Variants in SUGT1 observed in about 807,000 individuals in gnomAD.
The protein encoded by SUGT1 is SGT1 assembly cochaperone of MIS12 kinetochore complex.
In SUGT1, 15 loss-of-function variants were observed where a neutral mutation model predicts 56.1. The ratio of observed to expected loss-of-function variants is 0.27; its 90% CI spans 0.18 to 0.41. The LOEUF (loss-of-function observed/expected upper bound fraction) is 0.41, where lower values mean the gene tolerates loss of function less well. Among genes scored for constraint, SUGT1 ranks in the 10% least tolerant of loss-of-function variants. The pLI is 1.00. For synonymous variants in SUGT1, 123 were observed against 128.6 expected (o/e 0.96, Z 0.30); for missense variants, 347 against 382.2 (o/e 0.91, Z 0.77).
rs1482799929 is a variant in SUGT1 at position 52,698,169 on chromosome 13, A to G, written c.*10334A>G. ...TCAACAGAGCATGTTTTTATGGGCC[A>G]TCTGACAAGACTAGAGGTAGCTTTG... On this transcript the variant is annotated 3_prime_UTR_variant, in exon 13 of 13. Coordinates refer to ENST00000310528, the MANE Select transcript of SUGT1 (RefSeq NM_006704.5). The G allele has an allele frequency of 1.3e-5, 2 of 152,206 alleles. No homozygotes were observed. Among genetic ancestry groups the G allele is most frequent in the African/African-American group, 2.4e-5 (1 of 41,454 alleles). The allele number at this position is 152,206 out of a possible 1,614,324, so 9.4% of individuals were successfully genotyped here.
At position 52,680,031 on chromosome 13, in the gene SUGT1, T is replaced by C. The variant is rs1171592497; in HGVS notation, c.776T>C (p.Val259Ala). ...SPYTRNWDKL[V>A]GEIKEEEKNE... is the part of the protein sequence containing the mutation. ...TATACAAGAAATTGGGATAAATTGGTTGGTGAGATCAAAGAAGAAGAAAAG... is the reference window on the plus strand; with the variant it reads ...TATACAAGAAATTGGGATAAATTGGCTGGTGAGATCAAAGAAGAAGAAAAG... The change falls in exon 12 of 13, where the codon GTT becomes GCT. Residue 259 changes from valine to alanine, a missense_variant. Physicochemically the swap from Val to Ala is moderately conservative, Grantham distance 64 (BLOSUM62 0). Coordinates refer to ENST00000310528, the MANE Select transcript of SUGT1 (RefSeq NM_006704.5). 6.2e-7 allele frequency: 1 copy of C among 1,603,246 alleles called. No homozygotes were observed. The highest frequency in any genetic ancestry group is 8.5e-7 in the Non-Finnish European group (1 of 1,177,214).
At position 52,691,521 on chromosome 13, in the gene SUGT1, A is replaced by C. The variant is rs1280298519; in HGVS notation, c.*3686A>C. 1 of 152,172 alleles carries C rather than the reference A, an allele frequency of 6.6e-6. No individual in the cohort carries two copies. Among genetic ancestry groups the C allele is most frequent in the Non-Finnish European group, 1.5e-5 (1 of 68,022 alleles). The allele number at this position is 152,172 out of a possible 1,614,324, so 9.4% of individuals were successfully genotyped here. A position where few individuals can be genotyped will look rare whatever the true frequency, so the allele number is the denominator to read the frequency against. On this transcript the variant is annotated 3_prime_UTR_variant, in exon 13 of 13. Coordinates refer to ENST00000310528, the MANE Select transcript of SUGT1 (RefSeq NM_006704.5). ...GTTTACCATCTAATCAGCCTAATGC[A>C]CTTAAATTCCCTTGGAATCTTTCCT...
intron 2 of SUGT1, among the ~76,000 whole-genome samples, chr13:52,656,579 A>G (rs529095094): frequency 1.5e-4 from 23 of 152,314 alleles, no homozygotes; most frequent in Non-Finnish European, 1.2e-4. Context: ...ACTGCCTGCA[A>G]GCTACAAAGT....
At chr13:52,656,911 G>T (rs1962190934) in intron 2 of SUGT1, among the ~76,000 whole-genome samples, 1 of 152,206 alleles carries the variant, frequency 6.6e-6, no homozygotes, top group African/African-American at 2.4e-5. Flanking sequence ...TGTTGTGACT[G>T]CACAAGTTAA....
chr13:52,669,131 A>G (rs991982163), intron 10 of SUGT1, among the ~76,000 whole-genome samples: 2 of 152,078 alleles, frequency 1.3e-5, no homozygotes, highest in Non-Finnish European at 2.9e-5. Context: ...CTAAGTGACG[A>G]CTTTTCTTCC....
intron 10 of SUGT1, among the ~76,000 whole-genome samples, chr13:52,667,594 A>AT (rs1962764029): frequency 6.6e-6 from 1 of 151,794 alleles, no homozygotes; most frequent in East Asian, 1.9e-4. Context: ...TTTAAACTGA[A>AT]TTTTAGATTA....
At chr13:52,679,449 A>G (rs1963283281) in intron 11 of SUGT1, among the ~76,000 whole-genome samples, 1 of 152,068 alleles carries the variant, frequency 6.6e-6, no homozygotes, top group Admixed American at 6.6e-5. Flanking sequence ...TTGATGGGAG[A>G]GTATGGAGTG....
chr13:52,660,150 C>A (rs1962374001), intron 5 of SUGT1, among the ~76,000 whole-genome samples: 1 of 151,890 alleles, frequency 6.6e-6, no homozygotes, highest in East Asian at 1.9e-4. Flanking sequence ...ATTTTTAAAT[C>A]TGAAAAATAC....
Position 52,665,736 on chromosome 13 carries a change from C to T in SUGT1, c.519+3C>T. The T allele has an allele frequency of 6.3e-7, 1 of 1,576,274 alleles. No individual in the cohort carries two copies. Among genetic ancestry groups the T allele is most frequent in the Non-Finnish European group, 8.6e-7 (1 of 1,162,854 alleles). ...ATGTGGAATTTTCAGAAAAAGAGGT[C>T]AGTAGACTGAATCATTTTTCAATGT... On this transcript the variant is annotated splice_donor_region_variant and intron_variant, in intron 9 of 12. Transcript: ENST00000310528.
At position 52,688,060 on chromosome 13, in the gene SUGT1, G is replaced by T; in HGVS notation, c.*225G>T. 1 of 305,632 alleles carries T rather than the reference G, an allele frequency of 3.3e-6. No individual in the cohort carries two copies. Among genetic ancestry groups the T allele is most frequent in the Non-Finnish European group, 6.0e-6 (1 of 166,952 alleles). The allele number at this position is 305,632 out of a possible 1,614,324, so 18.9% of individuals were successfully genotyped here. On this transcript the variant is annotated 3_prime_UTR_variant, in exon 13 of 13. Transcript: ENST00000310528. ...TAAAGGTTTCAGACATGGTGAAACT[G>T]AATAAAGCATGTCATTTGCTCCTAG...
intron 10 of SUGT1, among the ~76,000 whole-genome samples, chr13:52,673,240 T>A: frequency 2.1e-5 from 1 of 48,676 alleles, no homozygotes; most frequent in Non-Finnish European, 3.6e-5. Context: ...TCCCTTCTTT[T>A]ACTTTTTTTT....
At position 52,653,068 on chromosome 13, in the gene SUGT1, G is replaced by A; in HGVS notation, c.61G>A (p.Ala21Thr). The change falls in exon 2 of 13, where the codon GCC becomes ACC. Residue 21 changes from alanine to threonine, a missense_variant. Ala to Thr is a moderately conservative substitution (Grantham distance 58). Transcript: ENST00000310528. ...CAGGTTTTTCCAGAGCTTCTCGGAT[G>A]CCCTAATCGACGAGGACCCCCAGGC... Reference protein sequence around the residue: ...SQRFFQSFSDALIDEDPQAAL... With the variant: ...SQRFFQSFSDTLIDEDPQAAL... 1.2e-6 allele frequency: 2 copies of A among 1,614,168 alleles called. No individual in the cohort carries two copies. The highest frequency in any genetic ancestry group is 8.5e-7 in the Non-Finnish European group (1 of 1,180,040).
rs1962517697 is a variant in SUGT1, at chr13:52,662,693, G to A, written c.373G>A (p.Ala125Thr). ...TGTCTGGATTAAAAGGTGTCAAGAA[G>A]CTCAGAATGGTATGTGGGTCTCCCT... ...FSVWIKRCQE[A>T]QNGSESEVWT... Residue 125 changes from alanine to threonine, a missense_variant, in exon 6 of 13, where the codon GCT becomes ACT. Coordinates refer to ENST00000310528, the MANE Select transcript of SUGT1 (RefSeq NM_006704.5). The A allele has an allele frequency of 6.2e-7, 1 of 1,613,488 alleles. No homozygotes were observed.
At chr13:52,683,854 G>C (rs1963467853) in intron 12 of SUGT1, among the ~76,000 whole-genome samples, 1 of 152,022 alleles carries the variant, frequency 6.6e-6, no homozygotes, top group East Asian at 1.9e-4. Context: ...CAAGTTGTCA[G>C]TGTTTGTATA....
rs955994903 is a variant in SUGT1 at position 52,686,430 on chromosome 13, C to T, written c.901-1304C>T. Among the ~76,000 whole-genome samples, 68 of 152,146 alleles carry T rather than the reference C, an allele frequency of 4.5e-4. 1 individual carries two copies. The highest frequency in any genetic ancestry group is 4.4e-3 in the Admixed American group (67 of 15,282). ...GATAGAACCTTAAATTGCAACAATG[C>T]ACTGTGACACATGTTATGTAAATGG... On this transcript the variant is annotated intron_variant, in intron 12 of 12. Coordinates refer to ENST00000310528, the MANE Select transcript of SUGT1 (RefSeq NM_006704.5).
chr13:52,663,501 C>T (rs978729606), intron 7 of SUGT1, among the ~76,000 whole-genome samples: 1 of 152,104 alleles, frequency 6.6e-6, no homozygotes, highest in Non-Finnish European at 1.5e-5. Context: ...CAGGGTCTTG[C>T]TCTGTCATGC....
At chr13:52,681,845 A>AG (rs1963387703) in intron 12 of SUGT1, among the ~76,000 whole-genome samples, 1 of 149,498 alleles carries the variant, frequency 6.7e-6, no homozygotes, top group African/African-American at 2.5e-5. Flanking sequence ...TTAAAAAAAA[A>AG]AAAAAGAGAG....
intron 11 of SUGT1, among the ~76,000 whole-genome samples, chr13:52,678,192 T>C (rs760886312): frequency 6.6e-6 from 1 of 152,146 alleles, no homozygotes; most frequent in Non-Finnish European, 1.5e-5. Flanking sequence ...ATTTTTTGTT[T>C]TACCTGGCTA....
rs1249542591 is a variant in SUGT1 at position 52,697,307 on chromosome 13, TTTTTG to T, written c.*9489_*9493del. ...GGCGTAAGCCACTGTGCCCGGCTGT[TTTTTG>T]TTTTGTTTTGTTTTGTGTTTTAATT... On this transcript the variant is annotated 3_prime_UTR_variant, in exon 13 of 13. Coordinates refer to ENST00000310528, the MANE Select transcript of SUGT1 (RefSeq NM_006704.5). 1 of 152,448 alleles carries T rather than the reference TTTTTG, an allele frequency of 6.6e-6. No homozygotes were observed. The highest frequency in any genetic ancestry group is 1.5e-5 in the Non-Finnish European group (1 of 68,142). 9.4% of individuals were successfully genotyped at this position (152,448 alleles called of 1,614,324 possible).
Sources: allele counts gnomAD v4.1 joint callset (sites outside exome capture counted in the v4.1 genomes callset), GRCh38; gene constraint gnomAD v4.1.1; transcripts MANE v1.5; gene names NCBI Gene and HGNC (gene_info 2026-07-23, HGNC 2026-07-21).